The following USP43 variants were observed in gnomAD, a reference collection of about 807,000 sequenced individuals.
The protein encoded by USP43 is ubiquitin specific peptidase 43, also known as ubiquitin carboxyl-terminal hydrolase 43.
A neutral mutation model predicts 90.7 loss-of-function variants in USP43; 33 were observed. The observed-to-expected ratio is 0.36, with a 90% CI of 0.28 to 0.49. The LOEUF is 0.49. Among genes scored for constraint, USP43 ranks in the 20% least tolerant of loss-of-function variants. The pLI is 0.98. For synonymous variants in USP43, 598 were observed against 615.8 expected (o/e 0.97, Z 0.43); for missense variants, 1,274 against 1,476.4 (o/e 0.86, Z 2.25).
rs1034825264 is a variant in USP43, at chr17:9,674,817, A to C, written c.741-74A>C. The C allele has an allele frequency of 3.0e-5, 37 of 1,235,584 alleles. No homozygotes were observed. The highest frequency in any genetic ancestry group is 3.9e-5 in the Non-Finnish European group (33 of 839,394). The allele number at this position is 1,235,584 out of a possible 1,614,324, so 76.5% of individuals were successfully genotyped here. On this transcript the variant is annotated intron_variant, in intron 3 of 14. Coordinates refer to ENST00000285199, the MANE Select transcript of USP43 (RefSeq NM_153210.5). This position sits in a 1 kb window ranked among gnomAD's most constrained non-coding sequence, Gnocchi z 4.4. ...TCACAGGGAGTGGAAATGCAAGGATAATTCTGTATTGAATTTTACCCCCAA... is the reference window on the plus strand; with the variant it reads ...TCACAGGGAGTGGAAATGCAAGGATCATTCTGTATTGAATTTTACCCCCAA...
chr17:9,649,816 CT>C (rs1434926489), intron 1 of USP43, among the ~76,000 whole-genome samples: 1 of 151,842 alleles, frequency 6.6e-6, no homozygotes, highest in Non-Finnish European at 1.5e-5. Flanking sequence ...TTACATCCTG[CT>C]TTTCTCATTT....
At chr17:9,713,855 G>C (rs570681234) in intron 14 of USP43, among the ~76,000 whole-genome samples, 1 of 152,158 alleles carries the variant, frequency 6.6e-6, no homozygotes, top group Non-Finnish European at 1.5e-5. Flanking sequence ...ATTCTGGAGG[G>C]AAGTCAAGAA....
chr17:9,685,807 T>C (rs1414912095), intron 7 of USP43, among the ~76,000 whole-genome samples: 1 of 152,222 alleles, frequency 6.6e-6, no homozygotes, highest in East Asian at 1.9e-4. Context: ...ATCATTTCTT[T>C]GTGTTGGGAA....
At chr17:9,691,996 C>A (rs1315277902) in intron 8 of USP43, among the ~76,000 whole-genome samples, 1 of 149,468 alleles carries the variant, frequency 6.7e-6, no homozygotes, top group Non-Finnish European at 1.5e-5. Context: ...GAGCTGAGAT[C>A]ACACAACTGC....
At chr17:9,720,434 TG>T (rs780657019) in intron 14 of USP43, among the ~76,000 whole-genome samples, 11 of 150,128 alleles carry the variant, frequency 7.3e-5, no homozygotes, top group Non-Finnish European at 1.5e-4. Context: ...TTTCAAATAG[TG>T]GTTGGTACCA....
At chr17:9,651,003 A>G (rs2151960921) in intron 1 of USP43, among the ~76,000 whole-genome samples, 1 of 152,186 alleles carries the variant, frequency 6.6e-6, no homozygotes, top group African/African-American at 2.4e-5. Context: ...CCCTCGAGTC[A>G]CCAAAGTTCA....
At chr17:9,724,099 T>C (rs1204890646) in intron 14 of USP43, among the ~76,000 whole-genome samples, 3 of 152,222 alleles carry the variant, frequency 2.0e-5, no homozygotes, top group Admixed American at 6.5e-5. Flanking sequence ...GTTGCTGTTT[T>C]CTTTTCTGTC....
Position 9,686,998 on chromosome 17 carries a change from TTAGTG to T in USP43, c.1353+93_1353+97del, listed in dbSNP as rs1914634183. 2 of 1,207,730 alleles carry T rather than the reference TTAGTG, an allele frequency of 1.7e-6. No homozygotes were observed. The highest frequency in any genetic ancestry group is 3.9e-5 in the Admixed American group (2 of 50,898). 74.8% of individuals were successfully genotyped at this position (1,207,730 alleles called of 1,614,324 possible). The stretch of plus-strand genomic sequence containing the variant: ...GTGTGTGTATTGGGAGGGGTGGAAT[TTAGTG>T]TAGCCCAGGAGAGGATAATTTGCTG... On this transcript the variant is annotated intron_variant, in intron 8 of 14. Coordinates refer to ENST00000285199, the MANE Select transcript of USP43 (RefSeq NM_153210.5). The surrounding 1 kb of genome is among the most constrained non-coding windows in gnomAD (Gnocchi z 5.5).
chr17:9,675,874 C>G (rs530277048), intron 4 of USP43, among the ~76,000 whole-genome samples: 1 of 152,238 alleles, frequency 6.6e-6, no homozygotes, highest in South Asian at 2.1e-4. Flanking sequence ...TCTAAGACTC[C>G]CAGCCTGACA....
chr17:9,723,004 G>A (rs748835305), intron 14 of USP43, among the ~76,000 whole-genome samples: 64 of 152,164 alleles, frequency 4.2e-4, no homozygotes, highest in Non-Finnish European at 7.5e-4. Flanking sequence ...TGGTGGGTCT[G>A]GTTCATTCGA....
intron 14 of USP43, among the ~76,000 whole-genome samples, chr17:9,726,949 G>A (rs1343982904): frequency 6.6e-6 from 1 of 152,086 alleles, no homozygotes; most frequent in Non-Finnish European, 1.5e-5. Flanking sequence ...ATGGTACAGT[G>A]ACTGATGACT....
chr17:9,695,569 G>A (rs187230233), intron 9 of USP43, among the ~76,000 whole-genome samples: 12 of 152,182 alleles, frequency 7.9e-5, no homozygotes, highest in Admixed American at 2.0e-4. Context: ...TCCTGAGCTC[G>A]TGATCCACCC....
chr17:9,692,756 G>C (rs1175741752), intron 8 of USP43, among the ~76,000 whole-genome samples: 1 of 152,178 alleles, frequency 6.6e-6, no homozygotes, highest in Non-Finnish European at 1.5e-5. Context: ...TTGTGGGGAT[G>C]ATAATCATCT....
At chr17:9,690,862 G>A (rs1434063981) in intron 8 of USP43, among the ~76,000 whole-genome samples, 1 of 152,134 alleles carries the variant, frequency 6.6e-6, no homozygotes, top group Admixed American at 6.6e-5. Flanking sequence ...TCCAGCCTGG[G>A]TGACAGAGCA....
In USP43 at chr17:9,673,483, C is replaced by T. The variant is rs551732835; in HGVS notation, c.741-1408C>T. ...GAGATCGCGCCATTGCACTCTAGCC[C>T]GGGTGACAGTGCGAGACTCCGTCTC... On this transcript the variant is annotated intron_variant, in intron 3 of 14. Coordinates refer to ENST00000285199, the MANE Select transcript of USP43 (RefSeq NM_153210.5). Among the ~76,000 whole-genome samples, 14 of 152,060 alleles carry T rather than the reference C, an allele frequency of 9.2e-5. No individual in the cohort carries two copies. The South Asian group carries it at 2.5e-3, about 27-fold the overall frequency.
intron 12 of USP43, among the ~76,000 whole-genome samples, chr17:9,707,425 C>T (rs368671326): frequency 2.0e-5 from 3 of 152,014 alleles, no homozygotes; most frequent in East Asian, 1.9e-4. Context: ...GGTGGGCGGA[C>T]CACGAGGTCA....
In USP43 at chr17:9,679,841, A is replaced by G. The variant is rs566372525; in HGVS notation, c.970-390A>G. On this transcript the variant is annotated intron_variant, in intron 5 of 14. Transcript: ENST00000285199. The stretch of plus-strand genomic sequence containing the variant: ...TCTGCTACAAAACCATCTCCTATTT[A>G]CTTCAATGTTTGGTAAAAATTTTTT... Among the ~76,000 whole-genome samples the G allele has an allele frequency of 6.6e-5, 10 of 152,170 alleles. No homozygotes were observed. In the East Asian group the frequency reaches 1.4e-3, roughly 21 times the overall value.
Position 9,728,678 on chromosome 17 carries a change from GC to G in USP43, c.3066del (p.Val1023SerfsTer4), listed in dbSNP as rs755601992. ...NERAEVSPQV[P>X]PVSLVSGGLS... The stretch of plus-strand genomic sequence containing the variant: ...AGAGGGCAGAGGTCTCTCCACAGGT[GC>G]CCCCCGTCTCCCTGGTGAGTGGCGG... On this transcript the variant is annotated frameshift_variant, in exon 15 of 15. Transcript: ENST00000285199. LOFTEE classifies it low-confidence loss of function (END_TRUNC). This position sits in a 1 kb window ranked among gnomAD's most constrained non-coding sequence, Gnocchi z 6.2. 6.2e-7 allele frequency: 1 copy of G among 1,612,752 alleles called. No individual in the cohort carries two copies. The highest frequency in any genetic ancestry group is 2.2e-5 in the East Asian group (1 of 44,840).
upstream of USP43, chr17:9,645,445 T>C: frequency 2.5e-6 from 1 of 403,386 alleles, no homozygotes; most frequent in Admixed American, 5.2e-5. The surrounding 1 kb of genome is among the most constrained non-coding windows in gnomAD (Gnocchi z 6.8). Flanking sequence ...TGGAGGGGGC[T>C]GGTCGTGCCG....
Sources: allele counts gnomAD v4.1 joint callset (sites outside exome capture counted in the v4.1 genomes callset), GRCh38; gene constraint gnomAD v4.1.1; non-coding constraint Gnocchi (gnomAD v3.1); transcripts MANE v1.5; gene names NCBI Gene and HGNC (gene_info 2026-07-23, HGNC 2026-07-21).